Variants in SLC14A2 observed in about 807,000 individuals in gnomAD.
SLC14A2 encodes solute carrier family 14 member 2, also known as urea transporter 2.
A neutral mutation model predicts 104.6 loss-of-function variants in SLC14A2; 91 were observed. That is an observed-to-expected ratio of 0.87 (90% CI 0.73 to 1.04). The LOEUF is 1.04. SLC14A2 is among the 50% of genes least tolerant of loss of function. The pLI is 0.00. For synonymous variants in SLC14A2, 476 were observed against 466.4 expected, an observed-to-expected ratio of 1.02 and a Z score of -0.27; for missense variants, 1,189 against 1,156.0, an observed-to-expected ratio of 1.03 and a Z score of -0.41.
At chr18:45,668,585 A>G (rs1599153180) in intron 15 of SLC14A2, 108 bp downstream of exon 15, 1 of 1,239,714 alleles carries the variant, frequency 8.1e-7, no homozygotes, top group East Asian at 2.4e-5. Context: ...GCATGTATTT[A>G]GCTTGCACAT....
Position 45,637,029 on chromosome 18 carries a change from G to A in SLC14A2, c.690G>A (p.Lys230=), listed in dbSNP as rs767958099. The A allele has an allele frequency of 6.2e-6, 10 of 1,614,074 alleles. No homozygotes were observed. The highest frequency in any genetic ancestry group is 8.5e-6 in the Non-Finnish European group (10 of 1,180,028). Residue 230 remains lysine (K), a synonymous_variant, in exon 6 of 20, where the codon AAG becomes AAA. Transcript: ENST00000255226. ...GTGCCTTGAATTCCATCTTCAGCAA[G>A]TGGGACCTCCCGGTCTTCACTCTGC... ...LSSALNSIFS[K]WDLPVFTLPF...
At chr18:45,250,531 A>G (rs1449968605) in intron 1 of SLC14A2, among the ~76,000 whole-genome samples, 1 of 149,722 alleles carries the variant, frequency 6.7e-6, no homozygotes, top group African/African-American at 2.5e-5. Context: ...TTTCCTTTCC[A>G]TCGTTGCTGT....
At chr18:45,217,259 A>G (rs1358760533) in intron 1 of SLC14A2, among the ~76,000 whole-genome samples, 1 of 148,550 alleles carries the variant, frequency 6.7e-6, no homozygotes, top group Non-Finnish European at 1.5e-5. Flanking sequence ...TATTATATAT[A>G]ATATACATAT....
intron 2 of SLC14A2, among the ~76,000 whole-genome samples, chr18:45,568,454 C>T (rs1371244727): frequency 6.6e-6 from 1 of 152,230 alleles, no homozygotes; most frequent in Admixed American, 6.5e-5. Context: ...GGTCCCTCCC[C>T]ATTTGAGGCA....
chr18:45,533,959 C>A (rs1407397036), intron 2 of SLC14A2, among the ~76,000 whole-genome samples: 3 of 152,046 alleles, frequency 2.0e-5, no homozygotes, highest in Non-Finnish European at 4.4e-5. Flanking sequence ...GGCCCAAGAA[C>A]CCAAATCACG....
intron 1 of SLC14A2, among the ~76,000 whole-genome samples, chr18:45,296,653 G>A (rs571865517): frequency 5.3e-5 from 8 of 152,230 alleles, no homozygotes; most frequent in African/African-American, 1.9e-4. Flanking sequence ...CCCCTGCTAG[G>A]CACCCCAGAC....
At chr18:45,657,734 G>A (rs1294610629) in intron 10 of SLC14A2, among the ~76,000 whole-genome samples, 3 of 152,132 alleles carry the variant, frequency 2.0e-5, no homozygotes. Flanking sequence ...TCCATTTCTT[G>A]TGGCCTCAGT....
intron 1 of SLC14A2, among the ~76,000 whole-genome samples, chr18:45,243,683 G>A (rs1031343557): frequency 1.3e-5 from 2 of 152,198 alleles, no homozygotes; most frequent in Non-Finnish European, 2.9e-5. Context: ...TGTTCAGCAA[G>A]AGAAGCACAG....
chr18:45,261,477 A>G (rs1353319126), intron 1 of SLC14A2, among the ~76,000 whole-genome samples: 1 of 151,664 alleles, frequency 6.6e-6, no homozygotes. Flanking sequence ...TTACATATGT[A>G]TATATGTGCC....
chr18:45,484,729 GTCTC>G (rs145658355), intron 2 of SLC14A2, among the ~76,000 whole-genome samples: 15 of 150,094 alleles, frequency 1.0e-4, no homozygotes, highest in Non-Finnish European at 1.8e-4. Flanking sequence ...CTAACTCACT[GTCTC>G]TCTCTCTCTC....
intron 2 of SLC14A2, among the ~76,000 whole-genome samples, chr18:45,490,816 A>G (rs2042983278): frequency 6.6e-6 from 1 of 152,240 alleles, no homozygotes; most frequent in Non-Finnish European, 1.5e-5. Flanking sequence ...AAAATATTAA[A>G]GCAGGCAGTT....
intron 1 of SLC14A2, among the ~76,000 whole-genome samples, chr18:45,354,751 T>G (rs1305277934): frequency 6.6e-6 from 1 of 152,206 alleles, no homozygotes; most frequent in Non-Finnish European, 1.5e-5. Flanking sequence ...TCATGGTATA[T>G]GCTGCACTTC....
chr18:45,462,586 A>G (rs1276106540), intron 1 of SLC14A2, among the ~76,000 whole-genome samples: 1 of 152,184 alleles, frequency 6.6e-6, no homozygotes, highest in Non-Finnish European at 1.5e-5. Context: ...ATTGAAATGT[A>G]TCCCTTTAAG....
chr18:45,557,880 A>G (rs570141134), intron 2 of SLC14A2, among the ~76,000 whole-genome samples: 1 of 152,324 alleles, frequency 6.6e-6, no homozygotes, highest in South Asian at 2.1e-4. Flanking sequence ...TGGCATCAGT[A>G]TAGACCCATG....
At chr18:45,522,534 T>C (rs990980966) in intron 2 of SLC14A2, among the ~76,000 whole-genome samples, 2 of 152,034 alleles carry the variant, frequency 1.3e-5, no homozygotes, top group Non-Finnish European at 2.9e-5. Flanking sequence ...CTACCCAGAA[T>C]GGAAATGCCA....
intron 2 of SLC14A2, among the ~76,000 whole-genome samples, chr18:45,590,724 A>T (rs564131728): frequency 6.6e-6 from 1 of 152,320 alleles, no homozygotes; most frequent in East Asian, 1.9e-4. Context: ...AGTTGGCAGC[A>T]TCTCTGACCC....
intron 1 of SLC14A2, among the ~76,000 whole-genome samples, chr18:45,408,330 T>C (rs1374609367): frequency 6.6e-6 from 1 of 152,208 alleles, no homozygotes; most frequent in Non-Finnish European, 1.5e-5. Context: ...TCATGTCATG[T>C]AGCACCTACA....
rs1392519681 is a variant in SLC14A2, at chr18:45,669,371, C to T, written c.2102C>T (p.Pro701Leu). ...TGGGACCTCCCAGTCTTCACACTGC[C>T]CTTCAATATCACTGTGACTTTGTAC... Reference protein sequence around the residue: ...SKWDLPVFTLPFNITVTLYLA... With the variant: ...SKWDLPVFTLLFNITVTLYLA... The change falls in exon 16 of 20, where the codon CCC (proline) becomes CTC (leucine). Residue 701 changes from proline (P) to leucine (L), a missense_variant. Physicochemically the swap from Pro to Leu is moderately conservative, Grantham distance 98 (BLOSUM62 -3). Coordinates refer to ENST00000255226, the MANE Select transcript of SLC14A2 (RefSeq NM_007163.4). 3 of 1,614,114 alleles carry T rather than the reference C, an allele frequency of 1.9e-6. No homozygotes were observed. The highest frequency in any genetic ancestry group is 2.7e-5 in the African/African-American group (2 of 75,046).
chr18:45,174,637 C>T, the SLC14A2 span, among the ~76,000 whole-genome samples: 198 of 152,248 alleles, frequency 1.3e-3, 1 homozygote, highest in African/African-American at 4.5e-3. Context: ...TGCACACACA[C>T]GCTCATGTGC....
Sources: allele counts gnomAD v4.1 joint callset (sites outside exome capture counted in the v4.1 genomes callset), GRCh38; gene constraint gnomAD v4.1.1; transcripts MANE v1.5; gene names NCBI Gene and HGNC (gene_info 2026-07-23, HGNC 2026-07-21).